The following UNKL variants were observed in gnomAD, a reference collection of about 807,000 sequenced individuals.
UNKL encodes the protein putative E3 ubiquitin-protein ligase UNKL.
UNKL carries 60 observed loss-of-function variants against 78.0 expected under a neutral mutation model. The ratio of observed to expected loss-of-function variants is 0.77; its 90% CI spans 0.63 to 0.95. The LOEUF is 0.95. UNKL is among the 40% of genes least tolerant of loss of function. The pLI, the probability that UNKL is intolerant of heterozygous loss-of-function variation, is 0.00. For synonymous variants in UNKL, 608 were observed against 474.8 expected (o/e 1.28, Z -3.65); for missense variants, 1,159 against 1,045.7 (o/e 1.11, Z -1.49).
chr16:1,405,924 C>CA, intron 2 of UNKL: 1 of 456,584 alleles, frequency 2.2e-6, no homozygotes, highest in South Asian at 1.5e-5. Context: ...AAGGAGGGTC[C>CA]ACCAGACCCC....
At chr16:1,383,046 T>A (rs1483134035) in intron 10 of UNKL, among the ~76,000 whole-genome samples, 1 of 144,280 alleles carries the variant, frequency 6.9e-6, no homozygotes, top group East Asian at 2.0e-4. Context: ...GATCACGAGG[T>A]CAGGAGATCA....
chr16:1,393,067 G>A, intron 7 of UNKL, 91 bp from the exon 8 acceptor site: 1 of 1,325,404 alleles, frequency 7.5e-7, no homozygotes, highest in Non-Finnish European at 1.1e-6. Context: ...AGGGCCGAGT[G>A]TGCGCAGCCT....
At chr16:1,367,491 TCC>T in intron 13 of UNKL, 142 bp from the exon 14 acceptor site, 1 of 18,824 alleles carries the variant, frequency 5.3e-5, no homozygotes, top group Non-Finnish European at 9.1e-5. Flanking sequence ...CGGCCCTCCC[TCC>T]CTCCCTCCCT....
intron 12 of UNKL, chr16:1,369,865 C>T (rs2035644441): frequency 7.3e-7 from 1 of 1,373,552 alleles, no homozygotes; most frequent in Non-Finnish European, 1.0e-6. Flanking sequence ...GTCCCAGCTA[C>T]TTGGGTGGCT....
rs113796831 is a variant in UNKL at position 1,393,897 on chromosome 16, A to G, written c.937+234T>C. On this transcript the variant is annotated intron_variant, in intron 7 of 14. Transcript: ENST00000389221. Reference sequence around the variant, plus strand: ...GTGCCTGAAGACAGGGTCCCTGCAGATTCCACCAGGCCTGGCCCACGCCGG... The same window carrying G: ...GTGCCTGAAGACAGGGTCCCTGCAGGTTCCACCAGGCCTGGCCCACGCCGG... 1.7e-3 allele frequency among the ~76,000 whole-genome samples: 262 copies of G among 152,264 alleles called. 2 individuals carry two copies. The highest frequency in any genetic ancestry group is 5.5e-3 in the African/African-American group (227 of 41,564).
chr16:1,371,058 G>A (rs1272571318), intron 11 of UNKL, among the ~76,000 whole-genome samples: 2 of 149,928 alleles, frequency 1.3e-5, no homozygotes, highest in South Asian at 2.1e-4. Context: ...ACTCCAGCCT[G>A]GGCGACAGAG....
intron 2 of UNKL, chr16:1,412,060 G>T (rs925225174): frequency 6.6e-6 from 1 of 152,108 alleles, no homozygotes; most frequent in Non-Finnish European, 1.5e-5. Context: ...CTTCAAGACC[G>T]CAACTGCTGC....
At chr16:1,398,698 T>TC in intron 5 of UNKL, 2 of 262,252 alleles carry the variant, frequency 7.6e-6, no homozygotes, top group South Asian at 8.2e-5. Context: ...CACCCCCCTC[T>TC]CAGGTGCAAA....
chr16:1,414,546 G>A (rs1230046878), intron 1 of UNKL, 69 bp downstream of exon 1: 3 of 634,518 alleles, frequency 4.7e-6, no homozygotes, highest in Non-Finnish European at 3.9e-6. Context: ...GAGGCGGCGC[G>A]AGCCCCGGCG....
Position 1,414,698 on chromosome 16 carries a change from T to G in UNKL, c.-7A>C, listed in dbSNP as rs770416643. 7 of 1,133,878 alleles carry G rather than the reference T, an allele frequency of 6.2e-6. No individual in the cohort carries two copies. Among genetic ancestry groups the G allele is most frequent in the African/African-American group, 1.7e-5 (1 of 59,180 alleles). The allele number at this position is 1,133,878 out of a possible 1,614,324, so 70.2% of individuals were successfully genotyped here. A position where few individuals can be genotyped will look rare whatever the true frequency, so the allele number is the denominator to read the frequency against. On this transcript the variant is annotated 5_prime_UTR_variant, in exon 1 of 15. Transcript: ENST00000389221. ...CTTTCGAAACCGACGGCATTTTCAG[T>G]CAAAACAATGCAGCGCGCATGCGCC...
Position 1,390,666 on chromosome 16 carries a change from C to T in UNKL, c.1052G>A (p.Gly351Asp). Residue 351 changes from glycine (G) to aspartate (D), a missense_variant, in exon 9 of 15, where the codon GGT (glycine) becomes GAT (aspartate). Gly to Asp is a moderately conservative substitution (Grantham distance 94, BLOSUM62 -1). Coordinates refer to ENST00000389221, the MANE Select transcript of UNKL (RefSeq NM_001372107.1). Reference sequence around the variant, plus strand: ...GTCTTGCTCGCTGCCCCTAGGGCCACCCTCGGCCGGCGAGTCTCTCCGCTT... The same window carrying T: ...GTCTTGCTCGCTGCCCCTAGGGCCATCCTCGGCCGGCGAGTCTCTCCGCTT... The part of the protein sequence containing the change: ...NAKRRDSPAE[G>D]GPRGSEQDSK... 3 of 1,536,032 alleles carry T rather than the reference C, an allele frequency of 2.0e-6. No homozygotes were observed. The highest frequency in any genetic ancestry group is 2.4e-5 in the East Asian group (1 of 40,910).
chr16:1,370,456 T>C lies in UNKL; in HGVS notation c.1358-99A>G. 16 of 1,326,214 alleles carry C rather than the reference T, an allele frequency of 1.2e-5. No individual in the cohort carries two copies. The South Asian group carries it at 2.2e-4, about 18-fold the overall frequency. 82.2% of individuals were successfully genotyped at this position (1,326,214 alleles called of 1,614,324 possible). A position where few individuals can be genotyped will look rare whatever the true frequency, so the allele number is the denominator to read the frequency against. On this transcript the variant is annotated intron_variant, in intron 11 of 14. Transcript: ENST00000389221. ...CGTGGAAGACGGACCCTGCAGGTGG[T>C]GGTGGTGGGGATATGGGGGGTGGGA...
chr16:1,397,777 C>A (rs1404955869), intron 5 of UNKL, among the ~76,000 whole-genome samples: 1 of 121,530 alleles, frequency 8.2e-6, no homozygotes, highest in South Asian at 2.9e-4. Context: ...TTGGCTCCCC[C>A]ACCCCGACCC....
At position 1,403,335 on chromosome 16, in the gene UNKL, G is replaced by A. The variant is rs749434704; in HGVS notation, c.297C>T (p.Tyr99=). ...CTGTGTCCCCCGTCGTCCGGTGCAG[G>A]TAGGGACACCTGGGGAGCAGAGAGG... ...GVCPDGDECP[Y]LHRTTGDTER... The change falls in exon 3 of 15, where the codon TAC becomes TAT. Residue 99 remains tyrosine, a synonymous_variant. Transcript: ENST00000389221. The surrounding 1 kb of genome is among the most constrained non-coding windows in gnomAD (Gnocchi z 4.8). 1.9e-6 allele frequency: 3 copies of A among 1,613,986 alleles called. No individual in the cohort carries two copies. The highest frequency in any genetic ancestry group is 3.3e-5 in the Admixed American group (2 of 59,988).
At chr16:1,407,625 G>A (rs925160982) in intron 2 of UNKL, among the ~76,000 whole-genome samples, 2 of 151,748 alleles carry the variant, frequency 1.3e-5, no homozygotes, top group Non-Finnish European at 2.9e-5. Context: ...GAGCTCAGGA[G>A]GTTGAGGTTG....
Position 1,370,434 on chromosome 16 carries a change from G to A in UNKL, c.1358-77C>T. ...AACATCTGCCATGGGCGGCAGCCGT[G>A]GAAGACGGACCCTGCAGGTGGTGGT... On this transcript the variant is annotated intron_variant, in intron 11 of 14. Transcript: ENST00000389221. 4 of 1,507,816 alleles carry A rather than the reference G, an allele frequency of 2.7e-6. No individual in the cohort carries two copies. In the South Asian group the frequency reaches 4.9e-5, roughly 19 times the overall value. 93.4% of individuals were successfully genotyped at this position (1,507,816 alleles called of 1,614,324 possible).
intron 10 of UNKL, among the ~76,000 whole-genome samples, chr16:1,377,532 G>A (rs1300232761): frequency 6.6e-6 from 1 of 151,832 alleles, no homozygotes; most frequent in African/African-American, 2.4e-5. Flanking sequence ...GTTTTCTGGG[G>A]CCTCCTCACC....
intron 9 of UNKL, among the ~76,000 whole-genome samples, chr16:1,389,802 C>T (rs1485716829): frequency 6.6e-6 from 1 of 152,186 alleles, no homozygotes; most frequent in Non-Finnish European, 1.5e-5. Context: ...GAGTCAAGTG[C>T]TGCTGCTTGG....
chr16:1,391,160 TACACAC>T (rs59407356), intron 8 of UNKL, among the ~76,000 whole-genome samples: 79,643 of 144,508 alleles, frequency 0.55, 22,016 homozygotes, highest in South Asian at 0.72. Context: ...CAAAAAAAAA[TACACAC>T]ACACACACAC....
Sources: allele counts gnomAD v4.1 joint callset (sites outside exome capture counted in the v4.1 genomes callset), GRCh38; gene constraint gnomAD v4.1.1; non-coding constraint Gnocchi (gnomAD v3.1); transcripts MANE v1.5; gene names NCBI Gene and HGNC (gene_info 2026-07-23, HGNC 2026-07-21).